The following WBP1L variants were observed in gnomAD, a reference collection of about 807,000 sequenced individuals.
WBP1L encodes the protein WW domain binding protein 1 like.
A neutral mutation model predicts 33.7 loss-of-function variants in WBP1L; 17 were observed. That is an observed-to-expected ratio of 0.50 (90% confidence interval 0.34 to 0.76). The LOEUF is 0.76. WBP1L is among the 30% of genes least tolerant of loss of function. The pLI is 0.01. For missense variants in WBP1L, 389 were observed against 469.4 expected, an observed-to-expected ratio of 0.83 and a Z score of 1.58; for synonymous variants, 173 against 190.8, an observed-to-expected ratio of 0.91 and a Z score of 0.77.
chr10:102,770,365 A>G (rs1018286953), intron 1 of WBP1L, among the ~76,000 whole-genome samples: 1 of 152,168 alleles, frequency 6.6e-6, no homozygotes, highest in Non-Finnish European at 1.5e-5. Context: ...CTCTGCTCAA[A>G]GCTCCTGGAA....
At chr10:102,807,093 CA>C (rs1349323734) in intron 2 of WBP1L, among the ~76,000 whole-genome samples, 2 of 151,730 alleles carry the variant, frequency 1.3e-5, no homozygotes, top group Non-Finnish European at 2.9e-5. Flanking sequence ...TTTATAATTA[CA>C]AAGCAGATGA....
rs1843318036 is a variant in WBP1L at position 102,780,188 on chromosome 10, TAGAC to T, written c.91-17802_91-17799del. Among the ~76,000 whole-genome samples the T allele has an allele frequency of 3.9e-5, 6 of 152,302 alleles. No individual in the cohort carries two copies. The South Asian group carries it at 1.2e-3, about 32-fold the overall frequency. ...TTAGTTCTTTCATGCAAGGGACAGTTAGACAGCTCATGGAAGCTACAGTGTTGAC... is the reference window on the plus strand; with the variant it reads ...TTAGTTCTTTCATGCAAGGGACAGTTAGCTCATGGAAGCTACAGTGTTGAC... On this transcript the variant is annotated intron_variant, in intron 1 of 3. Transcript: ENST00000448841.
At chr10:102,783,987 G>A (rs1351594879) in intron 1 of WBP1L, among the ~76,000 whole-genome samples, 1 of 152,176 alleles carries the variant, frequency 6.6e-6, no homozygotes, top group Non-Finnish European at 1.5e-5. Flanking sequence ...CAGAAATTTA[G>A]AATTTTCACA....
At chr10:102,749,222 T>G (rs1482429610) in intron 1 of WBP1L, among the ~76,000 whole-genome samples, 1 of 151,594 alleles carries the variant, frequency 6.6e-6, no homozygotes, top group Non-Finnish European at 1.5e-5. Context: ...AACTGAATTT[T>G]GAAACATATT....
At chr10:102,770,975 T>C (rs1843180152) in intron 1 of WBP1L, among the ~76,000 whole-genome samples, 2 of 152,228 alleles carry the variant, frequency 1.3e-5, no homozygotes, top group South Asian at 4.1e-4. Flanking sequence ...CTGTGTGACC[T>C]TGGGCAAGTT....
Position 102,771,122 on chromosome 10 carries a change from C to T in WBP1L, c.91-26871C>T, listed in dbSNP as rs550619880. 9.1e-4 allele frequency among the ~76,000 whole-genome samples: 138 copies of T among 152,274 alleles called. 2 individuals carry two copies. Among genetic ancestry groups the T allele is most frequent in the East Asian group, 1.9e-4 (1 of 5,186 alleles). Reference sequence around the variant, plus strand: ...CAGGGTTGAACAAATGATTATCTCTCCCCTACCCCACCCCAGAATTTAAAG... The same window carrying T: ...CAGGGTTGAACAAATGATTATCTCTTCCCTACCCCACCCCAGAATTTAAAG... On this transcript the variant is annotated intron_variant, in intron 1 of 3. Coordinates refer to ENST00000448841, the MANE Select transcript of WBP1L (RefSeq NM_001083913.2).
chr10:102,796,769 A>G (rs927487463), intron 1 of WBP1L, among the ~76,000 whole-genome samples: 1 of 152,036 alleles, frequency 6.6e-6, no homozygotes, highest in Non-Finnish European at 1.5e-5. Context: ...TGACTGTGTT[A>G]TTGTTTAGAA....
At chr10:102,809,741 T>G (rs1843800825) in intron 2 of WBP1L, 152 bp from the exon 3 acceptor site, 4 of 819,250 alleles carry the variant, frequency 4.9e-6, no homozygotes, top group Non-Finnish European at 7.7e-6. Context: ...TGGAAATTGA[T>G]CACATGGCTT....
At chr10:102,755,221 A>G (rs1842962082) in intron 1 of WBP1L, among the ~76,000 whole-genome samples, 1 of 151,860 alleles carries the variant, frequency 6.6e-6, no homozygotes, top group Admixed American at 6.6e-5. Flanking sequence ...TGCTGGGATT[A>G]CAGGTGTGAG....
chr10:102,761,780 T>A (rs1429372918), intron 1 of WBP1L, among the ~76,000 whole-genome samples: 1 of 151,360 alleles, frequency 6.6e-6, no homozygotes, highest in Non-Finnish European at 1.5e-5. Flanking sequence ...AACTCCAGAT[T>A]TCAGGTGATC....
intron 1 of WBP1L, among the ~76,000 whole-genome samples, chr10:102,767,777 C>T (rs1843130935): frequency 6.6e-6 from 1 of 152,066 alleles, no homozygotes; most frequent in Non-Finnish European, 1.5e-5. Context: ...AAAATGAGGG[C>T]CTAAAATACT....
chr10:102,799,743 C>G (rs1378460806), intron 2 of WBP1L, among the ~76,000 whole-genome samples: 5 of 152,090 alleles, frequency 3.3e-5, no homozygotes, highest in African/African-American at 1.2e-4. Flanking sequence ...TGCGCCTTTC[C>G]CCTTTCTCAT....
chr10:102,776,797 G>A (rs1843269897), intron 1 of WBP1L, among the ~76,000 whole-genome samples: 1 of 152,144 alleles, frequency 6.6e-6, no homozygotes, highest in African/African-American at 2.4e-5. Flanking sequence ...TGGCTAGTTA[G>A]TGGAGATTTC....
chr10:102,799,806 CTAT>C (rs1459318725), intron 2 of WBP1L, among the ~76,000 whole-genome samples: 1 of 152,058 alleles, frequency 6.6e-6, no homozygotes, highest in Non-Finnish European at 1.5e-5. Context: ...GCCAGAAGGA[CTAT>C]TGTTTGGTCC....
intron 1 of WBP1L, among the ~76,000 whole-genome samples, chr10:102,764,573 G>C (rs79893302): frequency 6.6e-6 from 1 of 152,104 alleles, no homozygotes; most frequent in African/African-American, 2.4e-5. Flanking sequence ...CCCTGCATCT[G>C]GTATGATGCC....
intron 1 of WBP1L, among the ~76,000 whole-genome samples, chr10:102,789,686 ACT>A (rs927476546): frequency 5.3e-5 from 8 of 150,688 alleles, no homozygotes; most frequent in Non-Finnish European, 8.9e-5. Flanking sequence ...TGCCTTTGTC[ACT>A]CTGCAGTTTC....
Position 102,812,997 on chromosome 10 carries a change from C to T in WBP1L, c.758C>T (p.Ala253Val), listed in dbSNP as rs775950643. ...AAAGATGACAGCTCTGAACACGGCG[C>T]ACCCGACAGCAAAGAGAAGACGCCT... ...LLKDDSSEHG[A>V]PDSKEKTPGR... Residue 253 changes from alanine to valine, a missense_variant, in exon 4 of 4, where the codon GCA becomes GTA. Ala to Val is a moderately conservative substitution (Grantham distance 64, BLOSUM62 0). Coordinates refer to ENST00000448841, the MANE Select transcript of WBP1L (RefSeq NM_001083913.2). 1 of 1,613,580 alleles carries T rather than the reference C, an allele frequency of 6.2e-7. No individual in the cohort carries two copies. The highest frequency in any genetic ancestry group is 2.2e-5 in the East Asian group (1 of 44,872).
chr10:102,802,623 A>G (rs1374479766), intron 2 of WBP1L, among the ~76,000 whole-genome samples: 1 of 151,956 alleles, frequency 6.6e-6, no homozygotes, highest in African/African-American at 2.4e-5. Flanking sequence ...AGCCTCCCAA[A>G]TAGCTGGAAT....
intron 1 of WBP1L, among the ~76,000 whole-genome samples, chr10:102,766,441 C>CAAAAAAAA (rs56812691): frequency 3.5e-5 from 2 of 57,456 alleles, no homozygotes; most frequent in Non-Finnish European, 6.1e-5. Flanking sequence ...AACTCTGTCT[C>CAAAAAAAA]AAAAAAAAAA....
Sources: allele counts gnomAD v4.1 joint callset (sites outside exome capture counted in the v4.1 genomes callset), GRCh38; gene constraint gnomAD v4.1.1; transcripts MANE v1.5; gene names NCBI Gene and HGNC (gene_info 2026-07-23, HGNC 2026-07-21).